Variants in PATJ observed in about 807,000 individuals in gnomAD.
PATJ encodes inaD-like protein.
A neutral mutation model predicts 224.9 loss-of-function variants in PATJ; 190 were observed. The observed-to-expected ratio is 0.84, with a 90% confidence interval of 0.75 to 0.95. The LOEUF is 0.95. Ranked by LOEUF, PATJ falls within the 40% of genes least tolerant of loss-of-function variation. PATJ has a pLI of 0.00. For missense variants in PATJ, 2,121 were observed against 2,270.3 expected, an observed-to-expected ratio of 0.93 and a Z score of 1.34; for synonymous variants, 769 against 820.3, an observed-to-expected ratio of 0.94 and a Z score of 1.07.
At chr1:62,084,688 C>G in intron 33 of PATJ, 40 bp downstream of exon 33, 1 of 1,601,222 alleles carries the variant, frequency 6.2e-7, no homozygotes, top group Non-Finnish European at 8.5e-7. Flanking sequence ...TGTCATAGAA[C>G]TAGTTGTTGA....
chr1:61,848,960 CT>C (rs143681105), intron 17 of PATJ, among the ~76,000 whole-genome samples: 1,871 of 152,272 alleles, frequency 0.012, 42 homozygotes, highest in African/African-American at 0.043. Flanking sequence ...TATTACAGAG[CT>C]AACTATTCAT....
chr1:61,978,617 A>C (rs1644280798), intron 27 of PATJ, among the ~76,000 whole-genome samples: 1 of 152,006 alleles, frequency 6.6e-6, no homozygotes, highest in South Asian at 2.1e-4. Flanking sequence ...TTTACCTCTT[A>C]AATCTAAAAG....
chr1:61,853,500 A>T (rs1406131287), intron 17 of PATJ, among the ~76,000 whole-genome samples: 1 of 152,224 alleles, frequency 6.6e-6, no homozygotes, highest in East Asian at 1.9e-4. Flanking sequence ...TGGGCAGTTC[A>T]TGAGAGGAAT....
intron 5 of PATJ, 21 bp downstream of exon 5, chr1:61,769,443 C>T: frequency 6.2e-7 from 1 of 1,601,652 alleles, no homozygotes; most frequent in Non-Finnish European, 8.5e-7. Context: ...TGTTTATTTT[C>T]ATTTTGCTAA....
chr1:61,996,587 A>G (rs1645367218), intron 28 of PATJ, among the ~76,000 whole-genome samples: 1 of 152,152 alleles, frequency 6.6e-6, no homozygotes, highest in Admixed American at 6.6e-5. Flanking sequence ...TTAATGAAAT[A>G]ACTATGCCCT....
At chr1:62,082,946 C>A (rs578189595) in intron 32 of PATJ, among the ~76,000 whole-genome samples, 4 of 152,194 alleles carry the variant, frequency 2.6e-5, no homozygotes, top group African/African-American at 7.2e-5. Context: ...CTCTCATCAG[C>A]CCTTTCCTGA....
intron 26 of PATJ, among the ~76,000 whole-genome samples, chr1:61,920,497 T>C (rs2149258297): frequency 6.6e-6 from 1 of 152,254 alleles, no homozygotes. Flanking sequence ...CATGGAAATG[T>C]AAGTCCATTA....
intron 26 of PATJ, among the ~76,000 whole-genome samples, chr1:61,919,220 C>G (rs1288038517): frequency 6.6e-6 from 1 of 151,810 alleles, no homozygotes; most frequent in Non-Finnish European, 1.5e-5. Context: ...CTTTTTCACC[C>G]CTTAATAATC....
At chr1:62,130,046 A>C (rs1194208457) in intron 41 of PATJ, among the ~76,000 whole-genome samples, 1 of 152,130 alleles carries the variant, frequency 6.6e-6, no homozygotes. Context: ...TTAAAATAAG[A>C]AGTTTGGGCT....
chr1:62,140,317 T>C (rs1667369736), intron 41 of PATJ, among the ~76,000 whole-genome samples: 1 of 152,174 alleles, frequency 6.6e-6, no homozygotes, highest in South Asian at 2.1e-4. Flanking sequence ...CATAAGACGA[T>C]GCTACAGAAG....
chr1:61,989,687 A>G (rs769280410), intron 27 of PATJ, among the ~76,000 whole-genome samples: 3 of 152,116 alleles, frequency 2.0e-5, no homozygotes, highest in Non-Finnish European at 4.4e-5. Flanking sequence ...GAAGGGGACC[A>G]TGGTTTCTAC....
Position 61,787,867 on chromosome 1 carries a change from G to T in PATJ, c.963G>T (p.Arg321Ser), listed in dbSNP as rs1261114331. ...QVLRNCGNSV[R>S]MLVARDPAGD... ...TAAGGAACTGTGGGAATTCAGTCAG[G>T]ATGCTCGTTGCTAGAGATCCAGCTG... Residue 321 changes from arginine to serine, a missense_variant, in exon 8 of 44, where the codon AGG (arginine) becomes AGT (serine). Coordinates refer to ENST00000642238, the MANE Select transcript of PATJ (RefSeq NM_001350145.3). 1 of 1,614,162 alleles carries T rather than the reference G, an allele frequency of 6.2e-7. No homozygotes were observed. The highest frequency in any genetic ancestry group is 1.1e-5 in the South Asian group (1 of 91,082).
chr1:61,877,222 G>C (rs917276016), intron 21 of PATJ, among the ~76,000 whole-genome samples: 8 of 150,794 alleles, frequency 5.3e-5, no homozygotes, highest in African/African-American at 1.9e-4. Context: ...ATGATGTACT[G>C]CTCACGTGGT....
At chr1:61,755,240 T>C (rs1276605939) in intron 1 of PATJ, among the ~76,000 whole-genome samples, 2 of 140,636 alleles carry the variant, frequency 1.4e-5, no homozygotes, top group African/African-American at 5.4e-5. Context: ...ACCCAGGAGG[T>C]GGAGCTTACA....
At chr1:61,838,521 A>ATTTTTTTTTTTTTTTTTTT (rs34877280) in intron 17 of PATJ, among the ~76,000 whole-genome samples, 3 of 115,574 alleles carry the variant, frequency 2.6e-5, no homozygotes, top group Non-Finnish European at 5.2e-5. Flanking sequence ...CGCCTGGCTA[A>ATTTTTTTTTTTTTTTTTTT]TTTTTTTTTT....
intron 37 of PATJ, among the ~76,000 whole-genome samples, chr1:62,117,623 C>A (rs954836569): frequency 6.6e-6 from 1 of 152,076 alleles, no homozygotes; most frequent in Non-Finnish European, 1.5e-5. Context: ...CTCACACATG[C>A]CGAGGGCAAT....
chr1:62,009,218 CTATA>C (rs1049204158), intron 28 of PATJ, among the ~76,000 whole-genome samples: 1 of 151,900 alleles, frequency 6.6e-6, no homozygotes, highest in African/African-American at 2.4e-5. Context: ...GGTAGTCAAC[CTATA>C]TATATATTGA....
intron 41 of PATJ, among the ~76,000 whole-genome samples, chr1:62,136,384 T>C (rs1008298406): frequency 6.6e-6 from 1 of 152,000 alleles, no homozygotes; most frequent in Non-Finnish European, 1.5e-5. Flanking sequence ...CTGGTGTCAC[T>C]AAAATCAGGG....
intron 43 of PATJ, among the ~76,000 whole-genome samples, chr1:62,155,087 T>G (rs1669044702): frequency 1.3e-5 from 2 of 152,184 alleles, no homozygotes; most frequent in South Asian, 4.1e-4. Context: ...ATAATTATTC[T>G]TTGGAGGGCA....
Sources: gnomAD v4.1 joint callset for allele counts (sites outside exome capture counted in the v4.1 genomes callset) on GRCh38, gnomAD v4.1.1 for gene constraint, MANE v1.5 for transcripts, NCBI Gene and HGNC (gene_info 2026-07-23, HGNC 2026-07-21) for gene names.